The following DEPDC7 variants were observed in gnomAD, a reference collection of about 807,000 sequenced individuals.
The protein encoded by DEPDC7 is DEP domain containing 7, also known as DEP domain-containing protein 7.
A neutral mutation model predicts 56.6 loss-of-function variants in DEPDC7; 41 were observed. That is an observed-to-expected ratio of 0.72 (90% confidence interval 0.56 to 0.94). The LOEUF (loss-of-function observed/expected upper bound fraction) is 0.94, where lower values mean the gene tolerates loss of function less well. Among genes scored for constraint, DEPDC7 ranks in the 40% least tolerant of loss-of-function variants. DEPDC7 has a pLI of 0.00. For missense variants in DEPDC7, 522 were observed against 596.3 expected, an observed-to-expected ratio of 0.88 and a Z score of 1.30; for synonymous variants, 185 against 208.8, an observed-to-expected ratio of 0.89 and a Z score of 0.98.
chr11:33,025,748 C>A lies in DEPDC7; in HGVS notation c.163C>A (p.Arg55=). 23 of 1,614,154 alleles carry A rather than the reference C, an allele frequency of 1.4e-5. No individual in the cohort carries two copies. Among genetic ancestry groups the A allele is most frequent in the Non-Finnish European group, 1.9e-5 (23 of 1,180,030 alleles). ...TLQTQVEVKK[R]RHRLKRHNDC... Reference sequence around the variant, plus strand: ...TCAAACACAAGTGGAAGTGAAAAAACGAAGGCACCGTTTAAAACGACATAA... The same window carrying A: ...TCAAACACAAGTGGAAGTGAAAAAAAGAAGGCACCGTTTAAAACGACATAA... The change falls in exon 2 of 9, where the codon CGA becomes AGA. Residue 55 remains arginine, a synonymous_variant. Transcript: ENST00000241051.
intron 1 of DEPDC7, among the ~76,000 whole-genome samples, chr11:33,017,192 C>T (rs931552086): frequency 6.6e-6 from 1 of 152,112 alleles, no homozygotes; most frequent in African/African-American, 2.4e-5. Flanking sequence ...ACATAGTGGC[C>T]ACATTGAGAA....
chr11:33,016,833 A>G (rs1409044307), intron 1 of DEPDC7, among the ~76,000 whole-genome samples: 1 of 152,214 alleles, frequency 6.6e-6, no homozygotes, highest in Non-Finnish European at 1.5e-5. Flanking sequence ...TGACTCAGAT[A>G]ACTGTTAAGA....
chr11:33,028,238 T>A (rs3802788), intron 3 of DEPDC7: 81,155 of 201,696 alleles, frequency 0.4, 16,613 homozygotes, highest in East Asian at 0.45. Flanking sequence ...CCCATTCCAG[T>A]TGTGGAAACC....
chr11:33,026,331 A>ACTT, intron 2 of DEPDC7: 1 of 391,176 alleles, frequency 2.6e-6, no homozygotes, highest in Non-Finnish European at 4.8e-6. Flanking sequence ...GTATGAGAAC[A>ACTT]TAGCGAAGGC....
chr11:33,031,215 T>G (rs533619435), intron 4 of DEPDC7, among the ~76,000 whole-genome samples, 163 bp from the exon 5 acceptor site: 1 of 152,374 alleles, frequency 6.6e-6, no homozygotes, highest in South Asian at 2.1e-4. Context: ...GTGATCTAGC[T>G]ATATATTAAA....
At chr11:33,021,919 A>G (rs1478130894) in intron 1 of DEPDC7, among the ~76,000 whole-genome samples, 1 of 152,210 alleles carries the variant, frequency 6.6e-6, no homozygotes, top group Admixed American at 6.5e-5. Flanking sequence ...TTCTTCTGTG[A>G]AGATTAGCCT....
intron 3 of DEPDC7, 141 bp downstream of exon 3, chr11:33,027,954 C>A: frequency 2.6e-6 from 2 of 768,594 alleles, no homozygotes. Context: ...TGTTTATGTT[C>A]AATTTTAACA....
intron 1 of DEPDC7, among the ~76,000 whole-genome samples, chr11:33,019,640 TG>T (rs1257675432): frequency 1.3e-5 from 2 of 152,158 alleles, no homozygotes; most frequent in African/African-American, 4.8e-5. Context: ...CATTCCAACC[TG>T]GATGACAAAG....
Position 33,015,920 on chromosome 11 carries a change from G to T in DEPDC7, c.-36G>T, listed in dbSNP as rs144143644. ...GCTCAGGGAGCTAGGGAGCTGTGAAGCTGCTGGAGGAGTTGGCGTCCGGGG... is the reference window on the plus strand; with the variant it reads ...GCTCAGGGAGCTAGGGAGCTGTGAATCTGCTGGAGGAGTTGGCGTCCGGGG... On this transcript the variant is annotated 5_prime_UTR_variant, in exon 1 of 9. Transcript: ENST00000241051. 19,553 of 1,546,574 alleles carry T rather than the reference G, an allele frequency of 0.013. 161 individuals are homozygous for T. Among genetic ancestry groups the T allele is most frequent in the Non-Finnish European group, 0.014 (16,504 of 1,145,060 alleles).
intron 2 of DEPDC7, 55 bp from the exon 3 acceptor site, chr11:33,027,631 T>C: frequency 7.0e-7 from 1 of 1,426,638 alleles, no homozygotes; most frequent in Non-Finnish European, 9.2e-7. Flanking sequence ...TCTCAAATAC[T>C]AAAATATTTC....
At chr11:33,016,696 T>A in intron 1 of DEPDC7, 2 of 1,032,098 alleles carry the variant, frequency 1.9e-6, no homozygotes, top group Non-Finnish European at 3.0e-6. Context: ...GCCACGGGCC[T>A]AATCGTGTCT....
chr11:33,030,224 C>G (rs1371418786), intron 4 of DEPDC7, among the ~76,000 whole-genome samples: 1 of 152,168 alleles, frequency 6.6e-6, no homozygotes, highest in South Asian at 2.1e-4. Flanking sequence ...TCCCAAAGTG[C>G]TGGGATTACA....
Position 33,022,686 on chromosome 11 carries a change from G to A in DEPDC7, c.74-2973G>A, listed in dbSNP as rs138632234. On this transcript the variant is annotated intron_variant, in intron 1 of 8. Coordinates refer to ENST00000241051, the MANE Select transcript of DEPDC7 (RefSeq NM_001077242.2). ...CTAACAATGTTTAGGCATTGTGGCT[G>A]GAAATAGTACAACTACTCCTGAGTT... 9.9e-5 allele frequency among the ~76,000 whole-genome samples: 15 copies of A among 152,280 alleles called. No individual in the cohort carries two copies. In the East Asian group the frequency reaches 2.9e-3, roughly 29 times the overall value.
rs1853575277 is a variant in DEPDC7 at position 33,026,048 on chromosome 11, A to G, written c.463A>G (p.Arg155Gly). The G allele has an allele frequency of 6.2e-7, 1 of 1,613,744 alleles. No individual in the cohort carries two copies. The highest frequency in any genetic ancestry group is 8.5e-7 in the Non-Finnish European group (1 of 1,179,966). Residue 155 changes from arginine (R) to glycine (G), a missense_variant and splice_region_variant, in exon 2 of 9, where the codon AGG becomes GGG. Coordinates refer to ENST00000241051, the MANE Select transcript of DEPDC7 (RefSeq NM_001077242.2). ...GKENKLYSPA[R>G]YADALFKSSD... ...AGAGAACAAACTATATTCACCTGCC[A>G]GGTTGGTATATAATGTTAGATTATC...
chr11:33,026,323 A>G (rs1011384063), intron 2 of DEPDC7: 3 of 423,612 alleles, frequency 7.1e-6, no homozygotes, highest in African/African-American at 6.0e-5. Flanking sequence ...ACCACTTGGT[A>G]TGAGAACATA....
Position 33,032,542 on chromosome 11 carries a change from G to T in DEPDC7, c.1137+64G>T, listed in dbSNP as rs992885332. On this transcript the variant is annotated intron_variant, in intron 6 of 8. Transcript: ENST00000241051. ...CTTAATACTTACAGGTTAAGTATTA[G>T]ATTATTCCATCTTCAGCATCAAGTA... is the stretch of plus-strand genomic sequence containing the variant. The T allele has an allele frequency of 2.1e-6, 3 of 1,423,706 alleles. No individual in the cohort carries two copies. The Admixed American group carries it at 7.4e-5, about 35-fold the overall frequency. 88.2% of individuals were successfully genotyped at this position (1,423,706 alleles called of 1,614,324 possible). A position where few individuals can be genotyped will look rare whatever the true frequency, so the allele number is the denominator to read the frequency against.
chr11:33,033,099 C>A, intron 8 of DEPDC7, 132 bp downstream of exon 8: 1 of 920,666 alleles, frequency 1.1e-6, no homozygotes, highest in Non-Finnish European at 1.6e-6. Context: ...GTTATTCATA[C>A]AAAGCAACTT....
chr11:33,027,713 C>T lies in DEPDC7; in HGVS notation c.492C>T (p.Ser164=), dbSNP rs367903882. 84 of 1,550,814 alleles carry T rather than the reference C, an allele frequency of 5.4e-5. No homozygotes were observed. The highest frequency in any genetic ancestry group is 2.4e-4 in the African/African-American group (17 of 70,474). ...ARYADALFKS[S]DIRSASLEDL... is the part of the protein sequence containing the mutation. ...ATGCAGATGCATTATTTAAGTCATC[C>T]GATATCAGATCAGCCAGTTTAGAGG... Residue 164 remains serine (S), a synonymous_variant, in exon 3 of 9, where the codon TCC becomes TCT. Transcript: ENST00000241051.
rs1021337485 is a variant in DEPDC7 at position 33,025,653 on chromosome 11, T to A, written c.74-6T>A. On this transcript the variant is annotated splice_region_variant and splice_polypyrimidine_tract_variant and intron_variant, in intron 1 of 8. Transcript: ENST00000241051. ...CCCAGTTTCTCTATGATTTTTCTCC[T>A]TCTAGGTTTCAGTGTAGCTCAGAAG... 6.3e-7 allele frequency: 1 copy of A among 1,594,878 alleles called. No homozygotes were observed. The highest frequency in any genetic ancestry group is 8.6e-7 in the Non-Finnish European group (1 of 1,166,928).
Sources: gnomAD v4.1 joint callset for allele counts (sites outside exome capture counted in the v4.1 genomes callset) on GRCh38, gnomAD v4.1.1 for gene constraint, MANE v1.5 for transcripts, NCBI Gene and HGNC (gene_info 2026-07-23, HGNC 2026-07-21) for gene names.